ST18: variants seen among roughly 807,000 people sequenced by gnomAD.
The protein encoded by ST18 is suppression of tumorigenicity 18 protein.
In ST18, 50 loss-of-function variants were observed where a neutral mutation model predicts 110.0. The observed-to-expected ratio is 0.45, with a 90% confidence interval of 0.36 to 0.58. The LOEUF (loss-of-function observed/expected upper bound fraction) is 0.58. ST18 is among the 20% of genes least tolerant of loss of function. ST18 has a pLI of 0.00. For synonymous variants in ST18, 461 were observed against 452.4 expected (o/e 1.02, Z -0.24); for missense variants, 1,306 against 1,280.1 (o/e 1.02, Z -0.31).
intron 2 of ST18, among the ~76,000 whole-genome samples, chr8:52,398,068 A>G (rs779928900): frequency 2.1e-4 from 32 of 152,126 alleles, no homozygotes; most frequent in Non-Finnish European, 4.4e-4. Context: ...AGTTCTTCCT[A>G]TACATGGACA....
intron 22 of ST18, among the ~76,000 whole-genome samples, chr8:52,130,868 G>A (rs1409055372): frequency 6.6e-6 from 1 of 152,184 alleles, no homozygotes; most frequent in Non-Finnish European, 1.5e-5. Context: ...GTCATTACAA[G>A]GAATTCAAGC....
chr8:52,188,580 TAG>T (rs2073277898), intron 8 of ST18, among the ~76,000 whole-genome samples: 1 of 152,218 alleles, frequency 6.6e-6, no homozygotes. Flanking sequence ...AGTGTTTTGA[TAG>T]AGTGACGGGC....
chr8:52,367,405 G>A (rs1210968548), intron 2 of ST18, among the ~76,000 whole-genome samples: 2 of 152,096 alleles, frequency 1.3e-5, no homozygotes, highest in African/African-American at 4.8e-5. Context: ...CTGGGCAATA[G>A]AGTGAGACTT....
intron 2 of ST18, among the ~76,000 whole-genome samples, chr8:52,292,990 G>A (rs1037960575): frequency 6.6e-6 from 1 of 152,168 alleles, no homozygotes; most frequent in Non-Finnish European, 1.5e-5. Flanking sequence ...GATGGCCTCA[G>A]CTTTGTCTAT....
chr8:52,373,294 A>G (rs1051588814), intron 2 of ST18, among the ~76,000 whole-genome samples: 6 of 152,128 alleles, frequency 3.9e-5, no homozygotes, highest in African/African-American at 1.4e-4. Flanking sequence ...CATGATATCA[A>G]GTGATATCAC....
intron 13 of ST18, among the ~76,000 whole-genome samples, chr8:52,161,987 A>G (rs1476468449): frequency 6.6e-6 from 1 of 152,194 alleles, no homozygotes; most frequent in African/African-American, 2.4e-5. Flanking sequence ...AGGTGGGTGG[A>G]TCATCTGAGC....
intron 8 of ST18, among the ~76,000 whole-genome samples, chr8:52,204,049 T>C (rs2079036173): frequency 6.6e-6 from 1 of 152,194 alleles, no homozygotes; most frequent in Admixed American, 6.5e-5. Flanking sequence ...TTCTGATACA[T>C]GATGAATGTT....
rs1263817639 is a variant in ST18, at chr8:52,209,780, A to T, written c.86+2299T>A. 3.4e-4 allele frequency among the ~76,000 whole-genome samples: 47 copies of T among 138,236 alleles called. No individual in the cohort carries two copies. The Middle Eastern group carries it at 0.011, about 33-fold the overall frequency. The allele number at this position is 138,236 out of a possible 152,430, so 90.7% of individuals were successfully genotyped here. A position where few individuals can be genotyped will look rare whatever the true frequency, so the allele number is the denominator to read the frequency against. ...AGCGAAACTCCATCTCAAAAAAAAA[A>T]AAAAAAAAATATATATATATATATA... On this transcript the variant is annotated intron_variant, in intron 8 of 25. Coordinates refer to ENST00000689386, the MANE Select transcript of ST18 (RefSeq NM_001352837.2).
intron 12 of ST18, 79 bp downstream of exon 12, chr8:52,165,056 G>A: frequency 7.3e-7 from 1 of 1,373,702 alleles, no homozygotes; most frequent in Non-Finnish European, 1.0e-6. Context: ...ATCACACATT[G>A]GTAACCCATT....
chr8:52,370,182 T>C (rs1301412289), intron 2 of ST18, among the ~76,000 whole-genome samples: 1 of 152,138 alleles, frequency 6.6e-6, no homozygotes, highest in Non-Finnish European at 1.5e-5. Flanking sequence ...ACAAAGACCA[T>C]TGCTATTCAG....
rs72642791 is a variant in ST18, at chr8:52,349,229, G to A, written c.-465+60099C>T. On this transcript the variant is annotated intron_variant, in intron 2 of 25. Coordinates refer to ENST00000689386, the MANE Select transcript of ST18 (RefSeq NM_001352837.2). ...TCTTTGCCTTTTATCCTTCCCACTGGTGGAGACGTGGTAGACAGCCTGTGT... is the reference window on the plus strand; with the variant it reads ...TCTTTGCCTTTTATCCTTCCCACTGATGGAGACGTGGTAGACAGCCTGTGT... Among the ~76,000 whole-genome samples, 1,244 of 152,082 alleles carry A rather than the reference G, an allele frequency of 8.2e-3. 5 individuals are homozygous for A. The highest frequency in any genetic ancestry group is 0.013 in the Non-Finnish European group (868 of 68,002).
chr8:52,390,662 C>G (rs1326544610), intron 2 of ST18, among the ~76,000 whole-genome samples: 1 of 152,192 alleles, frequency 6.6e-6, no homozygotes, highest in African/African-American at 2.4e-5. Flanking sequence ...GTGGACCCAA[C>G]TGCACAGGGC....
intron 24 of ST18, among the ~76,000 whole-genome samples, chr8:52,118,098 T>C (rs1256403312): frequency 6.6e-6 from 1 of 152,190 alleles, no homozygotes; most frequent in Non-Finnish European, 1.5e-5. Context: ...TGTTTGCTTA[T>C]AAAAACTTCG....
intron 8 of ST18, among the ~76,000 whole-genome samples, chr8:52,189,428 A>T (rs932262079): frequency 3.9e-5 from 6 of 152,220 alleles, no homozygotes; most frequent in Non-Finnish European, 8.8e-5. Context: ...TAAAGAAGGG[A>T]TCAAAAGATT....
At chr8:52,242,722 G>C (rs1033325765) in intron 2 of ST18, among the ~76,000 whole-genome samples, 2 of 151,972 alleles carry the variant, frequency 1.3e-5, no homozygotes, top group Non-Finnish European at 2.9e-5. Context: ...ACAAAAATTA[G>C]CTGGGGGTGG....
At chr8:52,246,865 A>G (rs1055491599) in intron 2 of ST18, among the ~76,000 whole-genome samples, 7 of 152,156 alleles carry the variant, frequency 4.6e-5, no homozygotes, top group African/African-American at 1.7e-4. Flanking sequence ...TTTATCTCCC[A>G]TCACTCTTGC....
chr8:52,287,552 A>G (rs1051957550), intron 2 of ST18, among the ~76,000 whole-genome samples: 1 of 152,118 alleles, frequency 6.6e-6, no homozygotes, highest in African/African-American at 2.4e-5. Flanking sequence ...CCTTAATAGA[A>G]ATTCTCCCAG....
At chr8:52,136,438 T>A in intron 19 of ST18, 152 bp downstream of exon 19, 1 of 693,532 alleles carries the variant, frequency 1.4e-6, no homozygotes, top group Non-Finnish European at 2.5e-6. Flanking sequence ...GTTTCAGTCA[T>A]CCCAGCGCTT....
At chr8:52,340,372 T>C (rs1814330396) in intron 2 of ST18, among the ~76,000 whole-genome samples, 1 of 152,234 alleles carries the variant, frequency 6.6e-6, no homozygotes, top group African/African-American at 2.4e-5. Flanking sequence ...TCCTGACTCA[T>C]ATGAATAAAC....
Sources: gnomAD v4.1 joint callset for allele counts (sites outside exome capture counted in the v4.1 genomes callset) on GRCh38, gnomAD v4.1.1 for gene constraint, MANE v1.5 for transcripts, NCBI Gene and HGNC (gene_info 2026-07-23, HGNC 2026-07-21) for gene names.